The following PINX1 variants were observed in gnomAD, a reference collection of about 807,000 sequenced individuals.
The protein encoded by PINX1 is PIN2 (TERF1) interacting telomerase inhibitor 1.
In PINX1, 34 loss-of-function variants were observed where a neutral mutation model predicts 25.4. That is an observed-to-expected ratio of 1.34 (90% CI 1.02 to 1.78). The LOEUF (loss-of-function observed/expected upper bound fraction) is 1.78. Among genes scored for constraint, PINX1 ranks in the 40% most tolerant of loss-of-function variants. The pLI is 0.00. For synonymous variants in PINX1, 197 were observed against 147.7 expected (o/e 1.33, Z -2.42); for missense variants, 592 against 404.9 (o/e 1.46, Z -3.97).
rs1442611009 is a variant in PINX1 at position 10,765,829 on chromosome 8, C to T, written c.559G>A (p.Ala187Thr). 1 of 1,613,984 alleles carries T rather than the reference C, an allele frequency of 6.2e-7. No homozygotes were observed. The highest frequency in any genetic ancestry group is 8.5e-7 in the Non-Finnish European group (1 of 1,179,896). The change falls in exon 7 of 7, where the codon GCA (alanine) becomes ACA (threonine). Residue 187 changes from alanine (A) to threonine (T), a missense_variant. Physicochemically the swap from Ala to Thr is moderately conservative, Grantham distance 58. Coordinates refer to ENST00000314787, the MANE Select transcript of PINX1 (RefSeq NM_017884.6). ...ACCTGGGGCTTGTTCTTCAGTGCTGCCATCCGCTTGGCAAAGTACTCCTGG... is the reference window on the plus strand; with the variant it reads ...ACCTGGGGCTTGTTCTTCAGTGCTGTCATCCGCTTGGCAAAGTACTCCTGG... ...TIQEYFAKRM[A>T]ALKNKPQVPV... is the part of the protein sequence containing the mutation.
rs1170053329 is a variant in PINX1 at position 10,839,856 on chromosome 8, G to T, written c.-100C>A. 2 of 1,183,866 alleles carry T rather than the reference G, an allele frequency of 1.7e-6. No individual in the cohort carries two copies. Among genetic ancestry groups the T allele is most frequent in the Non-Finnish European group, 2.4e-6 (2 of 837,392 alleles). The allele number at this position is 1,183,866 out of a possible 1,614,324, so 73.3% of individuals were successfully genotyped here. On this transcript the variant is annotated 5_prime_UTR_variant, in exon 1 of 7. Coordinates refer to ENST00000314787, the MANE Select transcript of PINX1 (RefSeq NM_017884.6). ...GAATCAGGACGTGCGTAACTCCCTC[G>T]CCGGCGGACTGCAGCGGACGGGGCG...
chr8:10,766,173 T>C (rs1033663946), intron 6 of PINX1, among the ~76,000 whole-genome samples: 62 of 152,276 alleles, frequency 4.1e-4, no homozygotes, highest in African/African-American at 1.3e-3. Flanking sequence ...GGGTGGTAGA[T>C]GACAGGCAGA....
At chr8:10,827,748 T>C (rs1488985906) in intron 4 of PINX1, among the ~76,000 whole-genome samples, 3 of 143,486 alleles carry the variant, frequency 2.1e-5, no homozygotes, top group Admixed American at 2.1e-4. Context: ...CTACTAAAAA[T>C]ACAAAAAAAA....
intron 6 of PINX1, among the ~76,000 whole-genome samples, chr8:10,777,749 T>G (rs1400908334): frequency 2.0e-5 from 3 of 152,226 alleles, no homozygotes; most frequent in Admixed American, 6.5e-5. Flanking sequence ...GGACTTCCGT[T>G]CTGGTTAGAA....
intron 5 of PINX1, among the ~76,000 whole-genome samples, chr8:10,820,551 C>G (rs879247579): frequency 6.6e-6 from 1 of 152,188 alleles, no homozygotes; most frequent in Non-Finnish European, 1.5e-5. Context: ...AAGCTAAATT[C>G]TACAGCTCAC....
At chr8:10,819,162 G>A (rs1423540302) in intron 6 of PINX1, among the ~76,000 whole-genome samples, 1 of 152,232 alleles carries the variant, frequency 6.6e-6, no homozygotes, top group Non-Finnish European at 1.5e-5. Flanking sequence ...GGGGCAGACA[G>A]GGGCTAAAAG....
intron 6 of PINX1, 129 bp from the exon 7 acceptor site, chr8:10,766,045 C>A: frequency 2.4e-6 from 2 of 836,162 alleles, no homozygotes; most frequent in Admixed American, 4.5e-5. Context: ...GGCACCCACA[C>A]CCGGCACTTA....
At chr8:10,767,251 TG>T (rs138331453) in intron 6 of PINX1, among the ~76,000 whole-genome samples, 414 of 152,254 alleles carry the variant, frequency 2.7e-3, no homozygotes, top group African/African-American at 9.2e-3. Context: ...AAACAGACCC[TG>T]TATTGTCTCG....
At chr8:10,783,468 C>G (rs929123314) in intron 6 of PINX1, among the ~76,000 whole-genome samples, 37 of 152,134 alleles carry the variant, frequency 2.4e-4, no homozygotes, top group African/African-American at 8.4e-4. Flanking sequence ...TTTTTTCTCT[C>G]TGGAAAGCCT....
chr8:10,771,017 T>C (rs1801204790), intron 6 of PINX1, among the ~76,000 whole-genome samples: 1 of 152,194 alleles, frequency 6.6e-6, no homozygotes, highest in South Asian at 2.1e-4. Context: ...TTGCCTGTGA[T>C]GAACAAATGC....
At chr8:10,770,453 A>C (rs1385983148) in intron 6 of PINX1, among the ~76,000 whole-genome samples, 1 of 152,228 alleles carries the variant, frequency 6.6e-6, no homozygotes, top group East Asian at 1.9e-4. Flanking sequence ...AAGATGCCTG[A>C]AGCTACATGT....
intron 6 of PINX1, among the ~76,000 whole-genome samples, chr8:10,783,021 A>G (rs1436467396): frequency 1.3e-5 from 2 of 152,206 alleles, no homozygotes; most frequent in African/African-American, 2.4e-5. Context: ...CATTCTAAAA[A>G]TGAAAGAGGA....
intron 6 of PINX1, among the ~76,000 whole-genome samples, chr8:10,785,544 A>C (rs1040526499): frequency 1.3e-5 from 2 of 152,234 alleles, no homozygotes; most frequent in Admixed American, 6.5e-5. Flanking sequence ...TCACTTATAC[A>C]AACATTTGTT....
At chr8:10,792,221 G>A (rs537220669) in intron 6 of PINX1, among the ~76,000 whole-genome samples, 1 of 152,210 alleles carries the variant, frequency 6.6e-6, no homozygotes, top group South Asian at 2.1e-4. Context: ...GCCTGCAGCT[G>A]CAGGTTCCTC....
intron 4 of PINX1, among the ~76,000 whole-genome samples, chr8:10,827,368 G>A (rs993122667): frequency 7.2e-5 from 11 of 152,090 alleles, no homozygotes; most frequent in African/African-American, 2.7e-4. Context: ...GAAGACATCC[G>A]AGTGGTAACG....
At chr8:10,831,296 T>C (rs945583924) in intron 4 of PINX1, among the ~76,000 whole-genome samples, 3 of 152,198 alleles carry the variant, frequency 2.0e-5, no homozygotes, top group Non-Finnish European at 2.9e-5. Context: ...AAAACAGCTA[T>C]GTAGGAACAG....
intron 6 of PINX1, among the ~76,000 whole-genome samples, chr8:10,786,106 C>A (rs1024702199): frequency 6.6e-6 from 1 of 152,190 alleles, no homozygotes; most frequent in Non-Finnish European, 1.5e-5. Flanking sequence ...TATAATCCTT[C>A]ATTTTTCACA....
intron 6 of PINX1, among the ~76,000 whole-genome samples, chr8:10,809,550 A>G (rs141986773): frequency 3.9e-5 from 6 of 152,212 alleles, no homozygotes; most frequent in African/African-American, 1.4e-4. Flanking sequence ...CACTATTCAC[A>G]CCAAAGTCAC....
intron 6 of PINX1, among the ~76,000 whole-genome samples, chr8:10,804,373 G>C (rs183975705): frequency 1.7e-4 from 26 of 152,336 alleles, no homozygotes; most frequent in Admixed American, 1.7e-3. Context: ...CAGCAGCAGA[G>C]TGGGTGACAC....
Sources: allele counts gnomAD v4.1 joint callset (sites outside exome capture counted in the v4.1 genomes callset), GRCh38; gene constraint gnomAD v4.1.1; transcripts MANE v1.5; gene names NCBI Gene and HGNC (gene_info 2026-07-23, HGNC 2026-07-21).